Variants in CALN1 observed in about 807,000 individuals in gnomAD.
CALN1 encodes calneuron 1, also known as calcium-binding protein 8.
CALN1 carries 17 observed loss-of-function variants against 30.6 expected under a neutral mutation model. That is an observed-to-expected ratio of 0.56 (90% CI 0.38 to 0.83). The LOEUF (loss-of-function observed/expected upper bound fraction) is 0.83, where lower values mean the gene tolerates loss of function less well. Among genes scored for constraint, CALN1 ranks in the 40% least tolerant of loss-of-function variants. The pLI, the probability that CALN1 is intolerant of heterozygous loss-of-function variation, is 0.00. For synonymous variants in CALN1, 156 were observed against 131.4 expected (o/e 1.19, Z -1.28); for missense variants, 291 against 354.9 (o/e 0.82, Z 1.45).
At chr7:71,943,503 C>G (rs1171526036) in intron 5 of CALN1, among the ~76,000 whole-genome samples, 1 of 152,116 alleles carries the variant, frequency 6.6e-6, no homozygotes, top group Non-Finnish European at 1.5e-5. Context: ...CACAGTGGCA[C>G]GATATCAGCT....
At chr7:72,305,749 A>G (rs779816805) in intron 2 of CALN1, among the ~76,000 whole-genome samples, 1 of 152,226 alleles carries the variant, frequency 6.6e-6, no homozygotes, top group African/African-American at 2.4e-5. Context: ...CGGGTGGCTT[A>G]AACAACAGAA....
At chr7:71,991,823 A>AAAAAC (rs1001315608) in intron 5 of CALN1, among the ~76,000 whole-genome samples, 3 of 152,238 alleles carry the variant, frequency 2.0e-5, no homozygotes, top group Non-Finnish European at 4.4e-5. Flanking sequence ...TCCTTTCTTA[A>AAAAAC]AAAACAAAAC....
At chr7:72,039,309 C>T (rs375508947) in intron 4 of CALN1, among the ~76,000 whole-genome samples, 13 of 152,218 alleles carry the variant, frequency 8.5e-5, no homozygotes, top group African/African-American at 2.9e-4. Context: ...ATGTAGGTGG[C>T]GTGTTGGATG....
chr7:72,463,833 T>C, the CALN1 span, among the ~76,000 whole-genome samples: 3 of 152,142 alleles, frequency 2.0e-5, no homozygotes, highest in African/African-American at 7.2e-5. Context: ...AGTGTGGAGA[T>C]TACAGGCGTG....
chr7:72,289,278 T>G (rs540430038), intron 2 of CALN1, among the ~76,000 whole-genome samples: 23 of 152,332 alleles, frequency 1.5e-4, no homozygotes, highest in African/African-American at 5.5e-4. Context: ...TGGACCTCTT[T>G]GTTCAAGCTG....
chr7:71,840,321 C>CA (rs937945997), intron 5 of CALN1, among the ~76,000 whole-genome samples: 1 of 151,650 alleles, frequency 6.6e-6, no homozygotes, highest in Non-Finnish European at 1.5e-5. Context: ...CCCGTCTCCA[C>CA]AAAAAATTTA....
intron 5 of CALN1, among the ~76,000 whole-genome samples, chr7:71,999,698 T>G (rs1395898249): frequency 2.0e-5 from 3 of 151,970 alleles, no homozygotes; most frequent in Non-Finnish European, 4.4e-5. Context: ...CTATTTTTAG[T>G]AGAGACAGGT....
chr7:72,318,596 A>G (rs1800649143), intron 2 of CALN1, among the ~76,000 whole-genome samples: 1 of 151,240 alleles, frequency 6.6e-6, no homozygotes, highest in Non-Finnish European at 1.5e-5. Flanking sequence ...GCTGGAGTGC[A>G]GTGGTGTGAT....
At chr7:71,960,183 AAAAT>A (rs1299892518) in intron 5 of CALN1, among the ~76,000 whole-genome samples, 1 of 148,102 alleles carries the variant, frequency 6.8e-6, no homozygotes, top group Non-Finnish European at 1.5e-5. Context: ...ATAAATAAAT[AAAAT>A]AAAATAAAAA....
At chr7:72,071,927 G>GA (rs1218472395) in intron 4 of CALN1, among the ~76,000 whole-genome samples, 4 of 151,864 alleles carry the variant, frequency 2.6e-5, no homozygotes, top group Non-Finnish European at 4.4e-5. Context: ...CAGGCAGAAG[G>GA]AAAAAAAGAT....
At chr7:72,203,616 C>T (rs1283449279) in intron 3 of CALN1, among the ~76,000 whole-genome samples, 2 of 152,110 alleles carry the variant, frequency 1.3e-5, no homozygotes, top group African/African-American at 2.4e-5. Flanking sequence ...AGTTTTCCAA[C>T]CAGTTAAAAC....
chr7:72,225,393 G>A (rs1478545227), intron 3 of CALN1, among the ~76,000 whole-genome samples: 1 of 152,006 alleles, frequency 6.6e-6, no homozygotes, highest in Non-Finnish European at 1.5e-5. Context: ...ACCATTCCCT[G>A]GCACGGGGGA....
intron 3 of CALN1, among the ~76,000 whole-genome samples, chr7:72,177,941 C>T (rs1482660441): frequency 1.3e-5 from 2 of 152,068 alleles, no homozygotes; most frequent in Admixed American, 6.6e-5. Context: ...TAAAAGAACT[C>T]ACTCTGGTCC....
chr7:72,363,152 T>C (rs1292811393), intron 2 of CALN1, among the ~76,000 whole-genome samples: 2 of 152,226 alleles, frequency 1.3e-5, no homozygotes, highest in African/African-American at 4.8e-5. Context: ...ATTAGTTATT[T>C]TTGCTGATCC....
intron 3 of CALN1, among the ~76,000 whole-genome samples, chr7:72,269,205 G>GATTTT (rs370535872): frequency 6.6e-6 from 1 of 152,148 alleles, no homozygotes; most frequent in African/African-American, 2.4e-5. Flanking sequence ...TGCAAGGTGA[G>GATTTT]ATTTTATTTT....
chr7:72,396,197 G>A (rs1288011635), intron 2 of CALN1, among the ~76,000 whole-genome samples: 2 of 133,244 alleles, frequency 1.5e-5, no homozygotes, highest in African/African-American at 5.8e-5. Context: ...AGGAGTTCGA[G>A]ACCAGCCTGG....
At chr7:72,189,871 C>T (rs971426690) in intron 3 of CALN1, among the ~76,000 whole-genome samples, 2 of 151,778 alleles carry the variant, frequency 1.3e-5, no homozygotes, top group African/African-American at 4.8e-5. Flanking sequence ...TTCCTAGCTT[C>T]TTTACTGGGG....
At chr7:72,315,372 T>A (rs1040806176) in intron 2 of CALN1, among the ~76,000 whole-genome samples, 1 of 152,112 alleles carries the variant, frequency 6.6e-6, no homozygotes, top group Non-Finnish European at 1.5e-5. Flanking sequence ...CCAATAAGTA[T>A]ATGAAAACAA....
At chr7:72,096,718 A>G (rs902993882) in intron 4 of CALN1, among the ~76,000 whole-genome samples, 10 of 152,224 alleles carry the variant, frequency 6.6e-5, no homozygotes, top group African/African-American at 2.4e-4. Flanking sequence ...GTGGGACTGT[A>G]AACTAGTTCA....
Sources: gnomAD v4.1 joint callset for allele counts (sites outside exome capture counted in the v4.1 genomes callset) on GRCh38, gnomAD v4.1.1 for gene constraint, MANE v1.5 for transcripts, NCBI Gene and HGNC (gene_info 2026-07-23, HGNC 2026-07-21) for gene names.